The following TAF3 variants were observed in gnomAD, a reference collection of about 807,000 sequenced individuals.
The protein encoded by TAF3 is TATA-box binding protein associated factor 3.
Under a neutral mutation model 80.6 loss-of-function variants are expected in TAF3, and 7 were observed. That is an observed-to-expected ratio of 0.09 (90% CI 0.05 to 0.16). The LOEUF (loss-of-function observed/expected upper bound fraction) is 0.16. Among genes scored for constraint, TAF3 ranks in the 10% least tolerant of loss-of-function variants. The pLI is 1.00. For synonymous variants in TAF3, 444 were observed against 446.1 expected (o/e 1.00, Z 0.06); for missense variants, 921 against 1,140.2 (o/e 0.81, Z 2.77).
At chr10:7,994,977 G>GAAAAAAAAAA (rs71287400) in intron 4 of TAF3, among the ~76,000 whole-genome samples, 1 of 97,634 alleles carries the variant, frequency 1.0e-5, no homozygotes, top group African/African-American at 3.9e-5. Context: ...CTCAAAAAAA[G>GAAAAAAAAAA]AAAAAAAAAA....
At chr10:7,915,188 C>T (rs1055434553) in intron 2 of TAF3, among the ~76,000 whole-genome samples, 2 of 151,028 alleles carry the variant, frequency 1.3e-5, no homozygotes, top group African/African-American at 4.9e-5. Flanking sequence ...GATCTGCCTG[C>T]CTCGGCCTCC....
chr10:7,973,774 T>A (rs746970946), intron 3 of TAF3, among the ~76,000 whole-genome samples: 6 of 152,252 alleles, frequency 3.9e-5, no homozygotes, highest in South Asian at 2.1e-4. Flanking sequence ...TCTTAAATAG[T>A]TCATAAGACT....
chr10:7,949,785 C>T (rs1838064158), intron 2 of TAF3, among the ~76,000 whole-genome samples: 1 of 152,118 alleles, frequency 6.6e-6, no homozygotes, highest in African/African-American at 2.4e-5. Context: ...AGACCAAATA[C>T]TTCAAATTTC....
intron 4 of TAF3, among the ~76,000 whole-genome samples, chr10:7,978,567 T>A (rs1831694683): frequency 6.6e-6 from 1 of 152,224 alleles, no homozygotes; most frequent in Non-Finnish European, 1.5e-5. Flanking sequence ...TCCTGTGGAT[T>A]CAGTGCTTTT....
At chr10:7,915,042 G>A (rs1433183620) in intron 2 of TAF3, among the ~76,000 whole-genome samples, 3 of 143,826 alleles carry the variant, frequency 2.1e-5, no homozygotes, top group African/African-American at 5.2e-5. Context: ...CTGGGTTCAC[G>A]CCATTCTTCT....
chr10:8,010,349 A>G (rs1832042440), intron 5 of TAF3, among the ~76,000 whole-genome samples: 1 of 152,252 alleles, frequency 6.6e-6, no homozygotes, highest in Non-Finnish European at 1.5e-5. Flanking sequence ...CTATATGCAT[A>G]TATACAGTAA....
intron 6 of TAF3, among the ~76,000 whole-genome samples, chr10:8,014,426 C>T (rs533589130): frequency 4.3e-4 from 65 of 152,272 alleles, no homozygotes; most frequent in Admixed American, 1.4e-3. Context: ...GATGAATGAA[C>T]GGATGAGTCT....
intron 1 of TAF3, among the ~76,000 whole-genome samples, chr10:7,819,371 C>T (rs1394511126): frequency 6.6e-6 from 1 of 152,180 alleles, no homozygotes; most frequent in Admixed American, 6.5e-5. Context: ...CCGTTAGGGA[C>T]ACTGCCTCGT....
chr10:7,965,458 C>G lies in TAF3; in HGVS notation c.1948C>G (p.Pro650Ala). The G allele has an allele frequency of 1.2e-6, 2 of 1,613,454 alleles. No individual in the cohort carries two copies. The highest frequency in any genetic ancestry group is 2.2e-5 in the South Asian group (2 of 90,844). The change falls in exon 3 of 7, where the codon CCA becomes GCA. Residue 650 changes from proline to alanine, a missense_variant. Pro to Ala is a conservative substitution (Grantham distance 27). Coordinates refer to ENST00000344293, the MANE Select transcript of TAF3 (RefSeq NM_031923.4). Reference protein sequence around the residue: ...DKGREDKMKAPAPPLVLPPKE... With the variant: ...DKGREDKMKAAAPPLVLPPKE... Reference sequence around the variant, plus strand: ...AGGCAGAGAAGATAAGATGAAAGCCCCAGCACCCCCACTGGTGTTGCCCCC... The same window carrying G: ...AGGCAGAGAAGATAAGATGAAAGCCGCAGCACCCCCACTGGTGTTGCCCCC...
At chr10:7,975,452 T>C (rs922464449) in intron 3 of TAF3, among the ~76,000 whole-genome samples, 4 of 152,164 alleles carry the variant, frequency 2.6e-5, no homozygotes, top group African/African-American at 9.7e-5. Context: ...TCCCTGCCCT[T>C]AGCTGGGTTA....
intron 2 of TAF3, among the ~76,000 whole-genome samples, chr10:7,940,587 G>A (rs1268772562): frequency 6.6e-6 from 1 of 152,198 alleles, no homozygotes; most frequent in Non-Finnish European, 1.5e-5. Context: ...CAGATTGGGA[G>A]CAGTTTTATG....
chr10:7,914,932 C>CTT (rs869094036), intron 2 of TAF3, among the ~76,000 whole-genome samples: 3 of 84,968 alleles, frequency 3.5e-5, no homozygotes, highest in African/African-American at 1.6e-4. Flanking sequence ...TGCTCCCAGC[C>CTT]TTTTTTTTTT....
At chr10:7,842,164 G>GTTTTTTTGTTTTT (rs1836923407) in intron 2 of TAF3, among the ~76,000 whole-genome samples, 1 of 85,384 alleles carries the variant, frequency 1.2e-5, no homozygotes, top group Non-Finnish European at 2.4e-5. Context: ...TTTTTTTTTT[G>GTTTTTTTGTTTTT]TTTTTTTTTT....
chr10:7,836,501 C>T (rs1465402258), intron 2 of TAF3, among the ~76,000 whole-genome samples: 1 of 151,968 alleles, frequency 6.6e-6, no homozygotes, highest in Non-Finnish European at 1.5e-5. Context: ...CTTGAACTCC[C>T]GACCTTGGGT....
chr10:7,832,124 T>C (rs1029313534), intron 2 of TAF3, among the ~76,000 whole-genome samples: 2 of 152,186 alleles, frequency 1.3e-5, no homozygotes, highest in South Asian at 4.1e-4. Flanking sequence ...CTGTGCAATG[T>C]ATCAAAAAAA....
chr10:7,839,216 A>G (rs1362390157), intron 2 of TAF3, among the ~76,000 whole-genome samples: 1 of 152,142 alleles, frequency 6.6e-6, no homozygotes, highest in Non-Finnish European at 1.5e-5. Flanking sequence ...GTCCATCACC[A>G]TGCCCACCCT....
intron 2 of TAF3, among the ~76,000 whole-genome samples, chr10:7,840,156 T>TG (rs1188881486): frequency 1.4e-5 from 2 of 144,120 alleles, no homozygotes; most frequent in Non-Finnish European, 3.1e-5. Flanking sequence ...GGAAAATGAG[T>TG]GTTTTTTTTT....
At chr10:7,946,576 A>T (rs972918133) in intron 2 of TAF3, among the ~76,000 whole-genome samples, 3 of 152,144 alleles carry the variant, frequency 2.0e-5, no homozygotes, top group Non-Finnish European at 4.4e-5. Flanking sequence ...TACAAAAATT[A>T]TCCAGGCGTA....
chr10:7,827,719 G>T (rs999682186), intron 2 of TAF3, among the ~76,000 whole-genome samples: 1 of 151,644 alleles, frequency 6.6e-6, no homozygotes, highest in African/African-American at 2.4e-5. Flanking sequence ...GGTGGAGCTT[G>T]CAGTGAGCCG....
Sources: allele counts gnomAD v4.1 joint callset (sites outside exome capture counted in the v4.1 genomes callset), GRCh38; gene constraint gnomAD v4.1.1; transcripts MANE v1.5; gene names NCBI Gene and HGNC (gene_info 2026-07-23, HGNC 2026-07-21).